MYO5A: variants seen among roughly 807,000 people sequenced by gnomAD.
The protein encoded by MYO5A is unconventional myosin-Va.
A neutral mutation model predicts 249.7 loss-of-function variants in MYO5A; 98 were observed. The observed-to-expected ratio is 0.39, with a 90% CI of 0.33 to 0.46. The LOEUF is 0.46. MYO5A is among the 20% of genes least tolerant of loss of function. MYO5A has a pLI of 0.98. For missense variants in MYO5A, 1,696 were observed against 2,308.8 expected, an observed-to-expected ratio of 0.73 and a Z score of 5.44; for synonymous variants, 778 against 810.6, an observed-to-expected ratio of 0.96 and a Z score of 0.68.
intron 12 of MYO5A, among the ~76,000 whole-genome samples, chr15:52,389,778 C>A (rs1229903635): frequency 6.6e-6 from 1 of 152,102 alleles, no homozygotes; most frequent in Non-Finnish European, 1.5e-5. Flanking sequence ...AATGGAGAAA[C>A]CCTGTCTCTA....
chr15:52,499,655 T>G (rs1418386410), intron 1 of MYO5A, among the ~76,000 whole-genome samples: 1 of 152,216 alleles, frequency 6.6e-6, no homozygotes, highest in Non-Finnish European at 1.5e-5. Context: ...TGAGGCATCT[T>G]TCAGAATTTC....
In MYO5A at chr15:52,319,189, T is replaced by A. The variant is rs977166419; in HGVS notation, c.5105A>T (p.Gln1702Leu). The change falls in exon 39 of 42, where the codon CAG (glutamine) becomes CTG (leucine). Residue 1702 changes from glutamine to leucine, a missense_variant. Gln to Leu is a moderately radical substitution (Grantham distance 113). Transcript: ENST00000399233. ...GATCAGTTCAGGGTCCATGCCATGC[T>A]GACACATGACCGAGTGGAAGGAGTT... Reference protein sequence around the residue: ...QLNSFHSVMCQHGMDPELIKQ... With the variant: ...QLNSFHSVMCLHGMDPELIKQ... 2.0e-5 allele frequency: 32 copies of A among 1,614,208 alleles called. No homozygotes were observed. Among genetic ancestry groups the A allele is most frequent in the Non-Finnish European group, 2.6e-5 (31 of 1,180,044 alleles).
chr15:52,393,974 T>G (rs543046648), intron 11 of MYO5A, among the ~76,000 whole-genome samples: 1 of 152,342 alleles, frequency 6.6e-6, no homozygotes, highest in Non-Finnish European at 1.5e-5. Flanking sequence ...AGCATATTAC[T>G]CACACACATC....
At chr15:52,353,451 A>G (rs2040052332) in intron 27 of MYO5A, among the ~76,000 whole-genome samples, 154 bp downstream of exon 27, 2 of 152,246 alleles carry the variant, frequency 1.3e-5, no homozygotes. Flanking sequence ...TATAAAAAGA[A>G]ACAACACAAG....
rs1391017665 is a variant in MYO5A, at chr15:52,346,774, A to AT, written c.3859-314_3859-313insA. ...TATGTGTTTTACATTATGTGAAAAA[A>AT]AATATATATATATTTTATAAAGTAT... On this transcript the variant is annotated intron_variant, in intron 29 of 41. Coordinates refer to ENST00000399233, the MANE Select transcript of MYO5A (RefSeq NM_001382347.1). Among the ~76,000 whole-genome samples, 73 of 127,702 alleles carry AT rather than the reference A, an allele frequency of 5.7e-4. 1 individual carries two copies. The highest frequency in any genetic ancestry group is 3.5e-3 in the African/African-American group (70 of 20,008). The allele number at this position is 127,702 out of a possible 152,430, so 83.8% of individuals were successfully genotyped here. A position where few individuals can be genotyped will look rare whatever the true frequency, so the allele number is the denominator to read the frequency against.
At chr15:52,520,195 T>C (rs1230418197) in intron 1 of MYO5A, among the ~76,000 whole-genome samples, 4 of 152,062 alleles carry the variant, frequency 2.6e-5, no homozygotes, top group Non-Finnish European at 5.9e-5. Context: ...GGACTGAGGG[T>C]AGTTGTTTAT....
Position 52,397,417 on chromosome 15 carries a change from T to G in MYO5A, c.1103A>C (p.Tyr368Ser), listed in dbSNP as rs563513014. The change falls in exon 10 of 42, where the codon TAT (tyrosine) becomes TCT (serine). Residue 368 changes from tyrosine (Y) to serine (S), a missense_variant. Around this residue, in one of 5 missense-constraint regions of MYO5A, gnomAD observed 185 missense variants for 204.8 expected, o/e 0.90. Coordinates refer to ENST00000399233, the MANE Select transcript of MYO5A (RefSeq NM_001382347.1). ...CIFCELMGVD[Y>S]EEMCHWLCHR... ...GCAGAGCCAGTGACACATCTCCTCA[T>G]AGTCCACACCCATGAGTTCACAGAA... The G allele has an allele frequency of 1.9e-6, 3 of 1,614,024 alleles. No individual in the cohort carries two copies. Among genetic ancestry groups the G allele is most frequent in the Non-Finnish European group, 2.5e-6 (3 of 1,179,900 alleles).
At chr15:52,482,720 T>A (rs950410280) in intron 1 of MYO5A, among the ~76,000 whole-genome samples, 1 of 152,052 alleles carries the variant, frequency 6.6e-6, no homozygotes, top group African/African-American at 2.4e-5. Flanking sequence ...AAAATGGCTT[T>A]AAAAAAATTT....
At chr15:52,324,776 A>C (rs1416453550) in intron 36 of MYO5A, among the ~76,000 whole-genome samples, 1 of 152,180 alleles carries the variant, frequency 6.6e-6, no homozygotes, top group African/African-American at 2.4e-5. Context: ...CCTTTTTAAG[A>C]AAGTACAAAA....
At chr15:52,326,945 G>C (rs982923383) in intron 36 of MYO5A, among the ~76,000 whole-genome samples, 2 of 152,188 alleles carry the variant, frequency 1.3e-5, no homozygotes, top group African/African-American at 4.8e-5. Flanking sequence ...GATTATGCAA[G>C]ATGACTCAGT....
chr15:52,331,064 C>T (rs1201285486), intron 34 of MYO5A, among the ~76,000 whole-genome samples: 2 of 152,102 alleles, frequency 1.3e-5, no homozygotes, highest in East Asian at 3.9e-4. Context: ...CCACTTGGTC[C>T]AAAATGTATT....
At chr15:52,460,407 G>A (rs1000549672) in intron 1 of MYO5A, among the ~76,000 whole-genome samples, 1 of 152,242 alleles carries the variant, frequency 6.6e-6, no homozygotes, top group Non-Finnish European at 1.5e-5. Flanking sequence ...CACCTCGGGA[G>A]GCCGAGGCTG....
chr15:52,309,839 G>GGT lies in MYO5A; in HGVS notation c.*3855_*3856dup, dbSNP rs1055059539. On this transcript the variant is annotated 3_prime_UTR_variant, in exon 42 of 42. Transcript: ENST00000399233. ...AGGAACTCTATGAATTAGTGACGGG[G>GGT]GTGTGTGTGTGTGTATGTGTGTGTG... is the stretch of plus-strand genomic sequence containing the variant. The GGT allele has an allele frequency of 1.4e-4, 20 of 146,322 alleles. No homozygotes were observed. In the East Asian group the frequency reaches 1.4e-3, roughly 10 times the overall value. 9.1% of individuals were successfully genotyped at this position (146,322 alleles called of 1,614,324 possible). A position where few individuals can be genotyped will look rare whatever the true frequency, so the allele number is the denominator to read the frequency against.
chr15:52,344,054 G>A (rs1014666698), intron 30 of MYO5A, among the ~76,000 whole-genome samples: 2 of 152,092 alleles, frequency 1.3e-5, no homozygotes, highest in Non-Finnish European at 1.5e-5. Flanking sequence ...TTACACAGCT[G>A]GTAAGTAGTG....
At chr15:52,410,512 G>A (rs778865034) in intron 5 of MYO5A, 36 bp from the exon 6 acceptor site, 2 of 1,570,988 alleles carry the variant, frequency 1.3e-6, no homozygotes, top group Admixed American at 1.7e-5. Flanking sequence ...TTTTAGAAGT[G>A]TAATTCATAA....
chr15:52,357,789 GT>G (rs2040320361), intron 25 of MYO5A, among the ~76,000 whole-genome samples: 2 of 152,144 alleles, frequency 1.3e-5, no homozygotes, highest in Non-Finnish European at 2.9e-5. Context: ...AGTTTCTGAG[GT>G]TTTGTTTCGC....
chr15:52,445,171 G>C (rs923837825), intron 1 of MYO5A, among the ~76,000 whole-genome samples: 2 of 152,184 alleles, frequency 1.3e-5, no homozygotes, highest in African/African-American at 2.4e-5. Context: ...TTTGAATCAT[G>C]TGGGCAGATC....
intron 18 of MYO5A, 48 bp downstream of exon 18, chr15:52,379,577 A>T (rs998519980): frequency 1.3e-6 from 2 of 1,549,532 alleles, no homozygotes; most frequent in Non-Finnish European, 8.9e-7. Context: ...CCAAGGTCAG[A>T]ACCACAAGGC....
chr15:52,343,948 C>T (rs1048982460), intron 30 of MYO5A, among the ~76,000 whole-genome samples: 1 of 151,962 alleles, frequency 6.6e-6, no homozygotes, highest in African/African-American at 2.4e-5. Flanking sequence ...ACATTCTTTC[C>T]ACATGTACTA....
Sources: gnomAD v4.1 joint callset for allele counts (sites outside exome capture counted in the v4.1 genomes callset) on GRCh38, gnomAD v4.1.1 for gene constraint, gnomAD v4.1.1 regional missense constraint, MANE v1.5 for transcripts, NCBI Gene and HGNC (gene_info 2026-07-23, HGNC 2026-07-21) for gene names.